The following PRIMPOL variants were observed in gnomAD, a reference collection of about 807,000 sequenced individuals.
The protein encoded by PRIMPOL is DNA-directed primase/polymerase protein.
PRIMPOL carries 54 observed loss-of-function variants against 63.6 expected under a neutral mutation model. The ratio of observed to expected loss-of-function variants is 0.85; its 90% CI spans 0.68 to 1.07. The LOEUF (loss-of-function observed/expected upper bound fraction) is 1.07. Ranked by LOEUF, PRIMPOL falls within the 50% of genes least tolerant of loss-of-function variation. The probability of loss-of-function intolerance (pLI) is 0.00; values close to 1 mark genes in which losing one functional copy is unlikely to be tolerated. For missense variants in PRIMPOL, 610 were observed against 648.3 expected (o/e 0.94, Z 0.64); for synonymous variants, 197 against 220.2 (o/e 0.89, Z 0.93).
intron 1 of PRIMPOL, among the ~76,000 whole-genome samples, chr4:184,650,896 A>C (rs2150006255): frequency 6.6e-6 from 1 of 152,250 alleles, no homozygotes; most frequent in African/African-American, 2.4e-5. Context: ...ATGCTTTTAC[A>C]TTTTCATAAT....
chr4:184,685,717 C>T (rs1377970166), intron 11 of PRIMPOL, 33 bp downstream of exon 11: 1 of 919,242 alleles, frequency 1.1e-6, no homozygotes, highest in African/African-American at 1.7e-5. Context: ...GTGTATTTAA[C>T]CAATATTATA....
At chr4:184,694,318 G>C in intron 13 of PRIMPOL, 1 of 1,334,112 alleles carries the variant, frequency 7.5e-7, no homozygotes, top group Non-Finnish European at 9.6e-7. Flanking sequence ...GGAGTTTCAA[G>C]TGTGTCTGAG....
chr4:184,667,503 A>G (rs150675711), intron 6 of PRIMPOL, among the ~76,000 whole-genome samples: 3,589 of 152,092 alleles, frequency 0.024, 66 homozygotes, highest in Non-Finnish European at 0.037. Context: ...GTAGAGGCGG[A>G]GTTTCACCAG....
rs1229944785 is a variant in PRIMPOL, at chr4:184,652,097, C to G, written c.-63C>G. On this transcript the variant is annotated 5_prime_UTR_variant, in exon 2 of 14. Coordinates refer to ENST00000314970, the MANE Select transcript of PRIMPOL (RefSeq NM_152683.4). Reference sequence around the variant, plus strand: ...TTCGGGAAAAGCAACGTGGGGCATTCCAGGTAAGAGAAATGTGTGCTGGGT... The same window carrying G: ...TTCGGGAAAAGCAACGTGGGGCATTGCAGGTAAGAGAAATGTGTGCTGGGT... 1 of 152,272 alleles carries G rather than the reference C, an allele frequency of 6.6e-6. No homozygotes were observed. Among genetic ancestry groups the G allele is most frequent in the African/African-American group, 2.4e-5 (1 of 41,420 alleles). 9.4% of individuals were successfully genotyped at this position (152,272 alleles called of 1,614,324 possible).
At chr4:184,671,738 GTTTTT>G (rs57281352) in intron 6 of PRIMPOL, among the ~76,000 whole-genome samples, 1 of 95,476 alleles carries the variant, frequency 1.0e-5, no homozygotes, top group Non-Finnish European at 2.1e-5. Flanking sequence ...TAGCGACTCG[GTTTTT>G]TTTTTTTTTT....
At chr4:184,659,464 A>G (rs764539904) in intron 4 of PRIMPOL, 27 bp downstream of exon 4, 3 of 1,470,224 alleles carry the variant, frequency 2.0e-6, no homozygotes, top group Non-Finnish European at 2.9e-6. Flanking sequence ...AGAACCACAC[A>G]TTAAGCTAGA....
At chr4:184,681,265 TCA>T (rs1188374068) in intron 8 of PRIMPOL, among the ~76,000 whole-genome samples, 1 of 152,184 alleles carries the variant, frequency 6.6e-6, no homozygotes, top group African/African-American at 2.4e-5. Flanking sequence ...TTCCTATAAG[TCA>T]CACCTCTAAA....
intron 7 of PRIMPOL, among the ~76,000 whole-genome samples, chr4:184,673,421 G>T (rs373953441): frequency 8.8e-6 from 1 of 113,096 alleles, no homozygotes; most frequent in Non-Finnish European, 1.8e-5. Context: ...GAGCCACTGC[G>T]CCCAGCCTCT....
intron 1 of PRIMPOL, among the ~76,000 whole-genome samples, chr4:184,651,598 C>T (rs1372703821): frequency 6.6e-6 from 1 of 152,196 alleles, no homozygotes; most frequent in African/African-American, 2.4e-5. Context: ...AATTAGCAAG[C>T]ATTAGCAGCA....
At chr4:184,680,486 C>A (rs559655325) in intron 8 of PRIMPOL, among the ~76,000 whole-genome samples, 15 of 152,258 alleles carry the variant, frequency 9.9e-5, no homozygotes, top group Non-Finnish European at 1.6e-4. Context: ...CCGTGCCCGG[C>A]CACTTAAATA....
At chr4:184,659,601 T>C (rs540018541) in intron 4 of PRIMPOL, among the ~76,000 whole-genome samples, 164 bp downstream of exon 4, 1 of 152,364 alleles carries the variant, frequency 6.6e-6, no homozygotes, top group South Asian at 2.1e-4. Flanking sequence ...ATAGCAATGC[T>C]TGAGTATCTC....
intron 5 of PRIMPOL, 79 bp from the exon 6 acceptor site, chr4:184,665,838 T>C (rs1236451766): frequency 3.3e-6 from 3 of 916,126 alleles, no homozygotes; most frequent in South Asian, 3.8e-5. Context: ...ATAGATGATA[T>C]ATAAAGAGAT....
In PRIMPOL at chr4:184,652,069, GA is replaced by G. The variant is rs1744685795; in HGVS notation, c.-89del. On this transcript the variant is annotated 5_prime_UTR_variant, in exon 2 of 14. Transcript: ENST00000314970. ...ACTTGATCTGGGCCTGGAAGGGGAA[GA>G]ATTCGGGAAAAGCAACGTGGGGCAT... The G allele has an allele frequency of 3.3e-5, 5 of 152,404 alleles. No individual in the cohort carries two copies. Among genetic ancestry groups the G allele is most frequent in the Admixed American group, 3.3e-4 (5 of 15,280 alleles). The allele number at this position is 152,404 out of a possible 1,614,324, so 9.4% of individuals were successfully genotyped here.
intron 2 of PRIMPOL, 54 bp from the exon 3 acceptor site, chr4:184,657,026 CAA>C: frequency 1.3e-6 from 1 of 779,434 alleles, no homozygotes. Flanking sequence ...CTTTATCAAA[CAA>C]AATATATTCT....
chr4:184,659,766 T>C (rs1747748204), intron 4 of PRIMPOL, among the ~76,000 whole-genome samples: 1 of 152,200 alleles, frequency 6.6e-6, no homozygotes. Flanking sequence ...AAATATCTGC[T>C]TTATCTTGAC....
chr4:184,650,400 G>T (rs1743927886), intron 1 of PRIMPOL, among the ~76,000 whole-genome samples: 1 of 152,254 alleles, frequency 6.6e-6, no homozygotes, highest in Non-Finnish European at 1.5e-5. Context: ...GCTGCCGAAG[G>T]CCCCATCTTT....
chr4:184,691,746 A>AGGGAG (rs1278386639), intron 13 of PRIMPOL, 34 bp downstream of exon 13: 1 of 1,549,808 alleles, frequency 6.5e-7, no homozygotes, highest in East Asian at 2.2e-5. Flanking sequence ...TCTCCTTACC[A>AGGGAG]GGGAGTTCTT....
intron 6 of PRIMPOL, among the ~76,000 whole-genome samples, chr4:184,666,991 C>T (rs904099135): frequency 1.3e-5 from 2 of 152,212 alleles, no homozygotes; most frequent in African/African-American, 4.8e-5. Flanking sequence ...AGAGTCCAAA[C>T]AGCAGATGAT....
chr4:184,658,700 A>C (rs1560948715), intron 3 of PRIMPOL, among the ~76,000 whole-genome samples: 1 of 152,092 alleles, frequency 6.6e-6, no homozygotes, highest in Non-Finnish European at 1.5e-5. Context: ...TGAGGTCAGG[A>C]GTTCGAGACC....
Sources: gnomAD v4.1 joint callset for allele counts (sites outside exome capture counted in the v4.1 genomes callset) on GRCh38, gnomAD v4.1.1 for gene constraint, MANE v1.5 for transcripts, NCBI Gene and HGNC (gene_info 2026-07-23, HGNC 2026-07-21) for gene names.